SLC35E3: variants seen among roughly 807,000 people sequenced by gnomAD.
SLC35E3 encodes bladder cancer-overexpressed gene 1 protein.
SLC35E3 carries 28 observed loss-of-function variants against 30.8 expected under a neutral mutation model. That is an observed-to-expected ratio of 0.91 (90% CI 0.67 to 1.25). The LOEUF is 1.25. SLC35E3 is among the 50% of genes most tolerant of loss of function. SLC35E3 has a pLI of 0.00. For synonymous variants in SLC35E3, 146 were observed against 149.2 expected (o/e 0.98, Z 0.16); for missense variants, 365 against 375.4 (o/e 0.97, Z 0.23).
At chr12:68,754,716 G>A (rs1014348249) in intron 3 of SLC35E3, among the ~76,000 whole-genome samples, 1 of 152,130 alleles carries the variant, frequency 6.6e-6, no homozygotes, top group African/African-American at 2.4e-5. Flanking sequence ...CTATGGAAAT[G>A]AGTCCCAGGA....
Position 68,746,576 on chromosome 12 carries a change from T to G in SLC35E3, c.199T>G (p.Phe67Val). The change falls in exon 1 of 5, where the codon TTT becomes GTT. Residue 67 changes from phenylalanine to valine, a missense_variant. Physicochemically the swap from Phe to Val is conservative, Grantham distance 50. Transcript: ENST00000398004. The part of the protein sequence containing the change: ...GLYICQKLDI[F>V]APKSLPPSRL... ...GTATATCTGCCAGAAGCTGGACATC[T>G]TTGCCCCCAAAAGTCTGCCGCCCTC... 1 of 1,614,180 alleles carries G rather than the reference T, an allele frequency of 6.2e-7. No individual in the cohort carries two copies. The highest frequency in any genetic ancestry group is 8.5e-7 in the Non-Finnish European group (1 of 1,180,000).
chr12:68,754,681 T>C (rs1010423796), intron 3 of SLC35E3, among the ~76,000 whole-genome samples: 1 of 152,048 alleles, frequency 6.6e-6, no homozygotes, highest in East Asian at 1.9e-4. Flanking sequence ...ACATCATGTG[T>C]TCTCATGTAC....
chr12:68,767,243 A>G lies in SLC35E3; in HGVS notation c.*2353A>G, dbSNP rs913853643. On this transcript the variant is annotated 3_prime_UTR_variant, in exon 5 of 5. Transcript: ENST00000398004. ...TTCATATAATAAATTGAGACATATC[A>G]TTACTCTTGTAATAATTCATTTTCT... 1 of 152,260 alleles carries G rather than the reference A, an allele frequency of 6.6e-6. No individual in the cohort carries two copies. The highest frequency in any genetic ancestry group is 2.4e-5 in the African/African-American group (1 of 41,458). 9.4% of individuals were successfully genotyped at this position (152,260 alleles called of 1,614,324 possible). A position where few individuals can be genotyped will look rare whatever the true frequency, so the allele number is the denominator to read the frequency against.
intron 1 of SLC35E3, 30 bp downstream of exon 1, chr12:68,746,809 C>A: frequency 6.5e-7 from 1 of 1,536,488 alleles, no homozygotes; most frequent in East Asian, 2.3e-5. Context: ...CAAGGCGCCG[C>A]TCTCCCGACC....
Position 68,766,730 on chromosome 12 carries a change from GCA to G in SLC35E3, c.*1844_*1845del. 2.2e-6 allele frequency: 1 copy of G among 447,372 alleles called. No homozygotes were observed. The highest frequency in any genetic ancestry group is 4.5e-6 in the Non-Finnish European group (1 of 224,244). The allele number at this position is 447,372 out of a possible 1,614,324, so 27.7% of individuals were successfully genotyped here. A position where few individuals can be genotyped will look rare whatever the true frequency, so the allele number is the denominator to read the frequency against. ...CTCCCCAGTAGCTGGGACTACAGGT[GCA>G]CACCAACATACCTGGCTGATTTTTA... On this transcript the variant is annotated 3_prime_UTR_variant, in exon 5 of 5. Coordinates refer to ENST00000398004, the MANE Select transcript of SLC35E3 (RefSeq NM_018656.5).
At chr12:68,759,350 TAG>T (rs765489198) in intron 4 of SLC35E3, 111 bp downstream of exon 4, 38 of 753,538 alleles carry the variant, frequency 5.0e-5, no homozygotes, top group East Asian at 4.3e-4. Context: ...CTAAATTGAG[TAG>T]AGAGAGTTAT....
In SLC35E3 at chr12:68,759,251, A is replaced by T. The variant is rs201714659; in HGVS notation, c.755+12A>T. The T allele has an allele frequency of 6.3e-7, 1 of 1,589,404 alleles. No individual in the cohort carries two copies. The highest frequency in any genetic ancestry group is 1.1e-5 in the South Asian group (1 of 88,936). On this transcript the variant is annotated intron_variant, in intron 4 of 4. Coordinates refer to ENST00000398004, the MANE Select transcript of SLC35E3 (RefSeq NM_018656.5). ...ACTTCACCTGTCACGTATCCTTTTC[A>T]TATAACTTAGAAATGCATCGTCTTT...
chr12:68,747,489 G>A (rs1175635774), intron 1 of SLC35E3, among the ~76,000 whole-genome samples: 1 of 152,102 alleles, frequency 6.6e-6, no homozygotes, highest in Non-Finnish European at 1.5e-5. Flanking sequence ...GGCTGGTCTC[G>A]AACTCTGACC....
At chr12:68,751,087 G>A (rs1245147099) in intron 2 of SLC35E3, among the ~76,000 whole-genome samples, 1 of 152,094 alleles carries the variant, frequency 6.6e-6, no homozygotes, top group Non-Finnish European at 1.5e-5. Flanking sequence ...TTTAGGGTTA[G>A]TGATTATCCA....
At position 68,746,225 on chromosome 12, in the gene SLC35E3, A is replaced by C. The variant is rs1878542162; in HGVS notation, c.-153A>C. 5 of 666,726 alleles carry C rather than the reference A, an allele frequency of 7.5e-6. No homozygotes were observed. The South Asian group carries it at 8.1e-5, about 11-fold the overall frequency. 41.3% of individuals were successfully genotyped at this position (666,726 alleles called of 1,614,324 possible). A position where few individuals can be genotyped will look rare whatever the true frequency, so the allele number is the denominator to read the frequency against. On this transcript the variant is annotated 5_prime_UTR_variant, in exon 1 of 5. Transcript: ENST00000398004. ...GGCGGGGTGTGTGTCCTCTGTTAAGAGTGCTACTCGCCCGGGGTTGATCTG... is the reference window on the plus strand; with the variant it reads ...GGCGGGGTGTGTGTCCTCTGTTAAGCGTGCTACTCGCCCGGGGTTGATCTG...
rs982879262 is a variant in SLC35E3 at position 68,778,847 on chromosome 12, G to C, written c.*13957G>C. On this transcript the variant is annotated 3_prime_UTR_variant, in exon 5 of 5. Transcript: ENST00000398004. ...TGGCTGGATGCAGTGGCTCACGCCT[G>C]TAATCCCAGCACTTTGGGAGGCCAA... The C allele has an allele frequency of 1.3e-5, 2 of 152,056 alleles. No homozygotes were observed. Among genetic ancestry groups the C allele is most frequent in the Non-Finnish European group, 2.9e-5 (2 of 68,128 alleles). The allele number at this position is 152,056 out of a possible 1,614,324, so 9.4% of individuals were successfully genotyped here.
At position 68,769,168 on chromosome 12, in the gene SLC35E3, G is replaced by C. The variant is rs975345519; in HGVS notation, c.*4278G>C. On this transcript the variant is annotated 3_prime_UTR_variant, in exon 5 of 5. Transcript: ENST00000398004. Reference sequence around the variant, plus strand: ...GAGGCAGGAGAATGGCTTGAACCCGGGAGGCGGAGGTTGCAGTGAGCCGAG... The same window carrying C: ...GAGGCAGGAGAATGGCTTGAACCCGCGAGGCGGAGGTTGCAGTGAGCCGAG... 6.6e-6 allele frequency: 1 copy of C among 152,016 alleles called. No individual in the cohort carries two copies. Among genetic ancestry groups the C allele is most frequent in the African/African-American group, 2.4e-5 (1 of 41,370 alleles). The allele number at this position is 152,016 out of a possible 1,614,324, so 9.4% of individuals were successfully genotyped here. A position where few individuals can be genotyped will look rare whatever the true frequency, so the allele number is the denominator to read the frequency against.
At chr12:68,761,094 G>A (rs1188045076) in intron 4 of SLC35E3, among the ~76,000 whole-genome samples, 1 of 152,180 alleles carries the variant, frequency 6.6e-6, no homozygotes, top group Non-Finnish European at 1.5e-5. Flanking sequence ...AAGCCTGTGT[G>A]GTTAGAGCAG....
intron 3 of SLC35E3, among the ~76,000 whole-genome samples, chr12:68,756,727 C>T (rs139989709): frequency 1.8e-4 from 27 of 152,308 alleles, no homozygotes; most frequent in African/African-American, 5.8e-4. Flanking sequence ...ATCGGCCAGG[C>T]GCAGTGGCTC....
At chr12:68,749,897 G>A (rs1435463027) in intron 2 of SLC35E3, among the ~76,000 whole-genome samples, 5 of 152,132 alleles carry the variant, frequency 3.3e-5, no homozygotes, top group Non-Finnish European at 7.3e-5. Context: ...TCTTTATTGA[G>A]CACGCACCAG....
At chr12:68,755,907 C>T (rs1328488024) in intron 3 of SLC35E3, among the ~76,000 whole-genome samples, 1 of 152,108 alleles carries the variant, frequency 6.6e-6, no homozygotes, top group East Asian at 1.9e-4. Context: ...AACATCCAAA[C>T]TATATTACCA....
Position 68,777,005 on chromosome 12 carries a change from C to T in SLC35E3, c.*12115C>T, listed in dbSNP as rs959987722. On this transcript the variant is annotated 3_prime_UTR_variant, in exon 5 of 5. Transcript: ENST00000398004. ...GTCACCCCTCATTCCTAGTAGTACC[C>T]CCAGTTCTGCTTCAATTTGATTCAG... 1 of 152,180 alleles carries T rather than the reference C, an allele frequency of 6.6e-6. No individual in the cohort carries two copies. Among genetic ancestry groups the T allele is most frequent in the African/African-American group, 2.4e-5 (1 of 41,456 alleles). 9.4% of individuals were successfully genotyped at this position (152,180 alleles called of 1,614,324 possible).
chr12:68,778,536 TCTCAGCA>T lies in SLC35E3; in HGVS notation c.*13649_*13655del, dbSNP rs1879802511. 1 of 152,204 alleles carries T rather than the reference TCTCAGCA, an allele frequency of 6.6e-6. No individual in the cohort carries two copies. The highest frequency in any genetic ancestry group is 1.5e-5 in the Non-Finnish European group (1 of 68,060). 9.4% of individuals were successfully genotyped at this position (152,204 alleles called of 1,614,324 possible). On this transcript the variant is annotated 3_prime_UTR_variant, in exon 5 of 5. Transcript: ENST00000398004. ...CAGGCGTGGTGACTCATGCCTGTAA[TCTCAGCA>T]CTTTGCAAGGCCGAAGCGGGTGGAT...
At position 68,746,254 on chromosome 12, in the gene SLC35E3, A is replaced by C; in HGVS notation, c.-124A>C. The C allele has an allele frequency of 1.1e-6, 1 of 906,708 alleles. No homozygotes were observed. The allele number at this position is 906,708 out of a possible 1,614,324, so 56.2% of individuals were successfully genotyped here. Reference sequence around the variant, plus strand: ...CTACTCGCCCGGGGTTGATCTGTGCATGCCACTCCTGGGTCAGACGGTGAG... The same window carrying C: ...CTACTCGCCCGGGGTTGATCTGTGCCTGCCACTCCTGGGTCAGACGGTGAG... On this transcript the variant is annotated 5_prime_UTR_variant, in exon 1 of 5. The change abolishes an upstream ATG in the 5' untranslated region. Transcript: ENST00000398004.
Sources: gnomAD v4.1 joint callset for allele counts (sites outside exome capture counted in the v4.1 genomes callset) on GRCh38, gnomAD v4.1.1 for gene constraint, MANE v1.5 for transcripts, NCBI Gene and HGNC (gene_info 2026-07-23, HGNC 2026-07-21) for gene names.